SEMA6D: variants seen among roughly 807,000 people sequenced by gnomAD.
SEMA6D encodes semaphorin 6D, also known as semaphorin-6D.
A neutral mutation model predicts 106.6 loss-of-function variants in SEMA6D; 35 were observed. The observed-to-expected ratio is 0.33, with a 90% CI of 0.25 to 0.44. SEMA6D has a LOEUF of 0.44. SEMA6D is among the 20% of genes least tolerant of loss of function. The pLI is 1.00. For synonymous variants in SEMA6D, 499 were observed against 487.7 expected (o/e 1.02, Z -0.31); for missense variants, 1,185 against 1,345.9 (o/e 0.88, Z 1.87).
intron 1 of SEMA6D, among the ~76,000 whole-genome samples, chr15:47,261,758 T>C (rs1434907560): frequency 3.3e-5 from 5 of 152,150 alleles, no homozygotes; most frequent in African/African-American, 1.2e-4. Flanking sequence ...TTCATGTAAA[T>C]AGAATAATAT....
intron 4 of SEMA6D, among the ~76,000 whole-genome samples, chr15:47,676,285 A>G (rs2078244037): frequency 2.0e-5 from 3 of 152,190 alleles, no homozygotes; most frequent in Admixed American, 1.3e-4. Context: ...TGCAACTTCT[A>G]TACTGGAGAT....
intron 1 of SEMA6D, among the ~76,000 whole-genome samples, chr15:47,217,344 A>T (rs1163027878): frequency 1.3e-5 from 2 of 152,170 alleles, no homozygotes; most frequent in Non-Finnish European, 2.9e-5. Context: ...CCCCAGTAAC[A>T]CACTTGCAAA....
intron 1 of SEMA6D, among the ~76,000 whole-genome samples, chr15:47,365,598 C>T (rs147569013): frequency 5.3e-5 from 8 of 151,786 alleles, no homozygotes; most frequent in Non-Finnish European, 1.0e-4. Context: ...TGGTGGCTTA[C>T]GTCTGTAATC....
rs556905821 is a variant in SEMA6D, at chr15:47,586,717, G to A, written c.-86-14148G>A. 3.5e-3 allele frequency among the ~76,000 whole-genome samples: 536 copies of A among 152,088 alleles called. 1 individual carries two copies. Among genetic ancestry groups the A allele is most frequent in the Non-Finnish European group, 3.6e-3 (244 of 68,004 alleles). On this transcript the variant is annotated intron_variant, in intron 3 of 19. Coordinates refer to the SEMA6D transcript ENST00000558014. ...TGGCTCATAGTAACAGTGATTTGTG[G>A]AATTAAATGAATTGTCTTCGAAGAA... is the stretch of plus-strand genomic sequence containing the variant.
At chr15:47,661,587 G>C (rs181834807) in intron 4 of SEMA6D, among the ~76,000 whole-genome samples, 19 of 152,322 alleles carry the variant, frequency 1.2e-4, no homozygotes, top group African/African-American at 4.6e-4. Flanking sequence ...TCCAGGAAGT[G>C]AACAGAGGAA....
intron 3 of SEMA6D, among the ~76,000 whole-genome samples, chr15:47,518,581 G>C (rs924485595): frequency 6.6e-6 from 1 of 152,082 alleles, no homozygotes; most frequent in Non-Finnish European, 1.5e-5. Context: ...TTAGAACAAC[G>C]GTAAGTATTT....
At chr15:47,763,715 A>G (rs1350867679) in intron 9 of SEMA6D, 135 bp from the exon 10 acceptor site, 2 of 780,946 alleles carry the variant, frequency 2.6e-6, no homozygotes, top group African/African-American at 1.7e-5. Context: ...ACAGATCCCT[A>G]GAGAGAAGAC....
chr15:47,473,567 T>TAC (rs1292090482), intron 3 of SEMA6D, among the ~76,000 whole-genome samples: 1 of 152,174 alleles, frequency 6.6e-6, no homozygotes, highest in Non-Finnish European at 1.5e-5. Flanking sequence ...AGAGATTTGG[T>TAC]ACCAGCATTA....
chr15:47,251,910 T>TAAAAAAATTATTATTGAGTGTTGGGA (rs1461277789), intron 1 of SEMA6D, among the ~76,000 whole-genome samples: 20 of 129,742 alleles, frequency 1.5e-4, no homozygotes, highest in Non-Finnish European at 2.1e-4. Flanking sequence ...TAATTGGATT[T>TAAAAAAATTATTATTGAGTGTTGGGA]TTTTTTTTTT....
rs532865632 is a variant in SEMA6D, at chr15:47,253,706, CTA to C, written c.-239+69290_-239+69291del. Among the ~76,000 whole-genome samples, 20 of 152,218 alleles carry C rather than the reference CTA, an allele frequency of 1.3e-4. No homozygotes were observed. In the South Asian group the frequency reaches 2.9e-3, roughly 22 times the overall value. On this transcript the variant is annotated intron_variant, in intron 1 of 19. Coordinates refer to the SEMA6D transcript ENST00000558014. ...GAGTTCTCTATTCTATCCCATTGGT[CTA>C]TGTGTCTGATTTTTTGTGCCAGTAC...
chr15:47,757,654 A>G (rs147510052), intron 1 of SEMA6D, among the ~76,000 whole-genome samples: 217 of 152,304 alleles, frequency 1.4e-3, no homozygotes, highest in African/African-American at 5.1e-3. Flanking sequence ...TTTATTTTCC[A>G]GGTCCAATAC....
chr15:47,418,631 A>G (rs1167750402), intron 2 of SEMA6D, among the ~76,000 whole-genome samples: 1 of 152,080 alleles, frequency 6.6e-6, no homozygotes, highest in Non-Finnish European at 1.5e-5. Context: ...AAGGGTTAGG[A>G]TTTCAACATA....
At chr15:47,517,296 A>G (rs1596216297) in intron 3 of SEMA6D, among the ~76,000 whole-genome samples, 1 of 152,120 alleles carries the variant, frequency 6.6e-6, no homozygotes, top group African/African-American at 2.4e-5. Flanking sequence ...ATTAGATCAT[A>G]TATTCTCAGA....
chr15:47,395,857 C>T (rs1354822682), intron 1 of SEMA6D, among the ~76,000 whole-genome samples: 2 of 152,168 alleles, frequency 1.3e-5, no homozygotes, highest in South Asian at 4.1e-4. Flanking sequence ...ACAGGATCAG[C>T]TACTCAATAT....
At chr15:47,511,830 C>T (rs1474817059) in intron 3 of SEMA6D, among the ~76,000 whole-genome samples, 1 of 152,062 alleles carries the variant, frequency 6.6e-6, no homozygotes, top group Non-Finnish European at 1.5e-5. Context: ...GGGCTTTTGG[C>T]ACCCCTCAGG....
chr15:47,571,842 G>A (rs1431140223), intron 3 of SEMA6D, among the ~76,000 whole-genome samples: 1 of 152,118 alleles, frequency 6.6e-6, no homozygotes. Context: ...GTGTATGTGT[G>A]ATGTGTGTGT....
At chr15:47,388,859 A>G (rs554202123) in intron 1 of SEMA6D, among the ~76,000 whole-genome samples, 314 of 152,290 alleles carry the variant, frequency 2.1e-3, no homozygotes, top group African/African-American at 7.0e-3. Context: ...ATTTGGCTCC[A>G]GATTTTCTAG....
intron 2 of SEMA6D, among the ~76,000 whole-genome samples, chr15:47,465,681 C>A (rs985688853): frequency 6.6e-6 from 1 of 152,098 alleles, no homozygotes; most frequent in African/African-American, 2.4e-5. Flanking sequence ...CTCTCTTCCT[C>A]CTTCTCCTGC....
At chr15:47,361,450 A>G (rs1353675969) in intron 1 of SEMA6D, among the ~76,000 whole-genome samples, 4 of 152,210 alleles carry the variant, frequency 2.6e-5, no homozygotes, top group African/African-American at 9.6e-5. Context: ...TGATTTCTAC[A>G]AGTCCTATAC....
Sources: allele counts gnomAD v4.1 joint callset (sites outside exome capture counted in the v4.1 genomes callset), GRCh38; gene constraint gnomAD v4.1.1; transcripts MANE v1.5; gene names NCBI Gene and HGNC (gene_info 2026-07-23, HGNC 2026-07-21).